Variants in SERTAD2 observed in about 807,000 individuals in gnomAD.
SERTAD2 encodes the protein SERTA domain-containing protein 2.
SERTAD2 carries 2 observed loss-of-function variants against 15.4 expected under a neutral mutation model. That is an observed-to-expected ratio of 0.13 (90% CI 0.05 to 0.41). The LOEUF (loss-of-function observed/expected upper bound fraction) is 0.41, where lower values mean the gene tolerates loss of function less well. Among genes scored for constraint, SERTAD2 ranks in the 10% least tolerant of loss-of-function variants. SERTAD2 has a pLI of 0.99. For synonymous variants in SERTAD2, 180 were observed against 178.0 expected, an observed-to-expected ratio of 1.01 and a Z score of -0.09; for missense variants, 333 against 409.7, an observed-to-expected ratio of 0.81 and a Z score of 1.62.
chr2:64,640,985 A>G (rs1351331764), intron 1 of SERTAD2, among the ~76,000 whole-genome samples: 1 of 152,204 alleles, frequency 6.6e-6, no homozygotes, highest in Non-Finnish European at 1.5e-5. Context: ...TAAACTTTTT[A>G]GAAACAAATT....
chr2:64,643,489 C>T (rs1674821416), intron 1 of SERTAD2, among the ~76,000 whole-genome samples: 2 of 152,174 alleles, frequency 1.3e-5, no homozygotes, highest in African/African-American at 4.8e-5. Flanking sequence ...TCTACATGCA[C>T]GCTATACTTC....
intron 1 of SERTAD2, among the ~76,000 whole-genome samples, chr2:64,643,974 T>C (rs1458573089): frequency 6.6e-6 from 1 of 152,030 alleles, no homozygotes; most frequent in African/African-American, 2.4e-5. Flanking sequence ...TGCTGACAAG[T>C]CTAGAGGTGT....
chr2:64,636,303 G>A lies in SERTAD2; in HGVS notation c.569C>T (p.Thr190Met), dbSNP rs760446863. 1.1e-5 allele frequency: 18 copies of A among 1,614,072 alleles called. No homozygotes were observed. Among genetic ancestry groups the A allele is most frequent in the African/African-American group, 4.0e-5 (3 of 74,922 alleles). Reference sequence around the variant, plus strand: ...CCCTTTCACACTGTCAGTCGCAGCCGTGGCCGCCTCTGTGGAGGTAGATGT... The same window carrying A: ...CCCTTTCACACTGTCAGTCGCAGCCATGGCCGCCTCTGTGGAGGTAGATGT... ...CPTSTSTEAA[T>M]AATDSVKGTS... Residue 190 changes from threonine (T) to methionine (M), a missense_variant, in exon 2 of 2, where the codon ACG (threonine) becomes ATG (methionine). Thr to Met is a moderately conservative substitution (Grantham distance 81, BLOSUM62 -1). Transcript: ENST00000313349.
At position 64,635,772 on chromosome 2, in the gene SERTAD2, A is replaced by C; in HGVS notation, c.*155T>G. 1.6e-6 allele frequency: 1 copy of C among 631,208 alleles called. No homozygotes were observed. Among genetic ancestry groups the C allele is most frequent in the South Asian group, 2.1e-5 (1 of 48,708 alleles). 39.1% of individuals were successfully genotyped at this position (631,208 alleles called of 1,614,324 possible). ...GGTCATACTTGGATGAAGGCACTCC[A>C]ACTCTGCTCAAAGCAAAAACTAGTG... On this transcript the variant is annotated 3_prime_UTR_variant, in exon 2 of 2. Transcript: ENST00000313349.
intron 1 of SERTAD2, among the ~76,000 whole-genome samples, chr2:64,643,729 G>A (rs547208220): frequency 3.9e-5 from 6 of 152,232 alleles, no homozygotes; most frequent in Admixed American, 1.3e-4. Flanking sequence ...TTAGCCAGGC[G>A]GTGGCGGGTA....
intron 1 of SERTAD2, among the ~76,000 whole-genome samples, chr2:64,648,231 G>C (rs1674945190): frequency 6.6e-6 from 1 of 152,196 alleles, no homozygotes; most frequent in African/African-American, 2.4e-5. Context: ...TCCCATGTAA[G>C]TAACCTACAT....
intron 1 of SERTAD2, among the ~76,000 whole-genome samples, chr2:64,641,179 C>G (rs775092759): frequency 6.6e-6 from 1 of 152,236 alleles, no homozygotes; most frequent in Non-Finnish European, 1.5e-5. Flanking sequence ...TGCAACTTTT[C>G]ATTAGGAAGG....
intron 1 of SERTAD2, among the ~76,000 whole-genome samples, chr2:64,640,326 G>A (rs1398158114): frequency 6.6e-6 from 1 of 152,090 alleles, no homozygotes; most frequent in Admixed American, 6.6e-5. Flanking sequence ...ACCTCCTTAA[G>A]CAGGGCCCAA....
intron 1 of SERTAD2, among the ~76,000 whole-genome samples, chr2:64,643,594 C>A (rs1674823199): frequency 6.6e-6 from 1 of 152,208 alleles, no homozygotes; most frequent in South Asian, 2.1e-4. Context: ...CTTCGCAGGG[C>A]AAGGTGGCTC....
At position 64,636,969 on chromosome 2, in the gene SERTAD2, C is replaced by T. The variant is rs533663134; in HGVS notation, c.-4-94G>A. 2.0e-5 allele frequency: 17 copies of T among 852,360 alleles called. No individual in the cohort carries two copies. In the South Asian group the frequency reaches 2.5e-4, roughly 12 times the overall value. 52.8% of individuals were successfully genotyped at this position (852,360 alleles called of 1,614,324 possible). Reference sequence around the variant, plus strand: ...CTGATTTAGAGGGCAGGACTTGGACCTCAGTTTCCTGCCCAGGGTTATTTA... The same window carrying T: ...CTGATTTAGAGGGCAGGACTTGGACTTCAGTTTCCTGCCCAGGGTTATTTA... On this transcript the variant is annotated intron_variant, in intron 1 of 1. Transcript: ENST00000313349.
At chr2:64,651,709 CCTT>C in intron 1 of SERTAD2, among the ~76,000 whole-genome samples, 1 of 152,236 alleles carries the variant, frequency 6.6e-6, no homozygotes, top group East Asian at 1.9e-4. Flanking sequence ...GAATTAATAT[CCTT>C]CTCTTAGTTC....
At chr2:64,637,070 T>C (rs1674677889) in intron 1 of SERTAD2, among the ~76,000 whole-genome samples, 195 bp from the exon 2 acceptor site, 1 of 152,178 alleles carries the variant, frequency 6.6e-6, no homozygotes, top group African/African-American at 2.4e-5. Flanking sequence ...AAATCCACCT[T>C]TGTATGCCTG....
intron 1 of SERTAD2, among the ~76,000 whole-genome samples, chr2:64,642,063 A>G (rs571054007): frequency 4.6e-5 from 7 of 152,208 alleles, no homozygotes; most frequent in Non-Finnish European, 1.0e-4. Context: ...AGGCCGGAGG[A>G]TATCTTTATT....
intron 1 of SERTAD2, among the ~76,000 whole-genome samples, chr2:64,645,410 A>G (rs928989868): frequency 6.6e-6 from 1 of 151,976 alleles, no homozygotes; most frequent in Non-Finnish European, 1.5e-5. Context: ...AAGCCTGACG[A>G]TACACTGAAA....
chr2:64,644,105 T>C (rs558386604), intron 1 of SERTAD2, among the ~76,000 whole-genome samples: 62 of 152,304 alleles, frequency 4.1e-4, no homozygotes, highest in Middle Eastern at 3.4e-3. Flanking sequence ...GATTGTCTTA[T>C]GAGAAGGCTG....
intron 1 of SERTAD2, among the ~76,000 whole-genome samples, chr2:64,653,306 C>T (rs371805615): frequency 6.6e-6 from 1 of 152,158 alleles, no homozygotes; most frequent in Non-Finnish European, 1.5e-5. Context: ...GCTGTAGAGG[C>T]GACAGCTCCA....
At chr2:64,644,166 C>T (rs1674844709) in intron 1 of SERTAD2, among the ~76,000 whole-genome samples, 1 of 152,214 alleles carries the variant, frequency 6.6e-6, no homozygotes, top group Non-Finnish European at 1.5e-5. Context: ...AGCCCACAGC[C>T]CTAAGTGGAA....
intron 1 of SERTAD2, among the ~76,000 whole-genome samples, chr2:64,647,434 A>G (rs1190683839): frequency 1.3e-5 from 2 of 152,196 alleles, no homozygotes; most frequent in African/African-American, 2.4e-5. Flanking sequence ...GTGCTTTACT[A>G]GTAAAGACTA....
chr2:64,642,525 A>G (rs1394414980), intron 1 of SERTAD2, among the ~76,000 whole-genome samples: 1 of 151,586 alleles, frequency 6.6e-6, no homozygotes, highest in Admixed American at 6.6e-5. Flanking sequence ...TTTTTAAATT[A>G]CTGTCCTTTA....
Sources: gnomAD v4.1 joint callset for allele counts (sites outside exome capture counted in the v4.1 genomes callset) on GRCh38, gnomAD v4.1.1 for gene constraint, MANE v1.5 for transcripts, NCBI Gene and HGNC (gene_info 2026-07-23, HGNC 2026-07-21) for gene names.